Variants in GIPC2 observed in about 807,000 individuals in gnomAD.
The protein encoded by GIPC2 is GIPC PDZ domain containing family member 2.
GIPC2 carries 30 observed loss-of-function variants against 30.6 expected under a neutral mutation model. The ratio of observed to expected loss-of-function variants is 0.98; its 90% CI spans 0.73 to 1.33. The LOEUF is 1.33. Ranked by LOEUF, GIPC2 falls within the 40% of genes most tolerant of loss-of-function variation. GIPC2 has a pLI of 0.00. For missense variants in GIPC2, 414 were observed against 390.3 expected, an observed-to-expected ratio of 1.06 and a Z score of -0.51; for synonymous variants, 167 against 150.0, an observed-to-expected ratio of 1.11 and a Z score of -0.83.
intron 3 of GIPC2, among the ~76,000 whole-genome samples, chr1:78,118,668 T>A (rs1662618243): frequency 6.6e-6 from 1 of 152,204 alleles, no homozygotes; most frequent in African/African-American, 2.4e-5. Flanking sequence ...TCTTTTTCTT[T>A]TGGACCCTAT....
chr1:78,071,915 GA>G (rs1259028661), intron 1 of GIPC2, among the ~76,000 whole-genome samples: 3 of 152,110 alleles, frequency 2.0e-5, no homozygotes, highest in African/African-American at 7.2e-5. Context: ...TTCAAGACCT[GA>G]CTCACAAGGA....
At chr1:78,065,532 TA>T (rs200044447) in intron 1 of GIPC2, among the ~76,000 whole-genome samples, 7,398 of 146,526 alleles carry the variant, frequency 0.05, 217 homozygotes, top group South Asian at 0.098. Context: ...TTCACAGAAT[TA>T]AAAAAAAAAA....
chr1:78,078,187 C>CAAAAA (rs10694093), intron 1 of GIPC2, among the ~76,000 whole-genome samples: 2 of 65,078 alleles, frequency 3.1e-5, no homozygotes, highest in Non-Finnish European at 5.3e-5. Context: ...GACTCCATCT[C>CAAAAA]AAAAAAAAAA....
intron 1 of GIPC2, among the ~76,000 whole-genome samples, chr1:78,078,728 A>G (rs1182254015): frequency 1.3e-5 from 2 of 150,600 alleles, no homozygotes; most frequent in African/African-American, 4.9e-5. Flanking sequence ...GTTTTTCTCT[A>G]TCCTGTTATA....
At chr1:78,085,649 AG>A (rs759162820) in intron 2 of GIPC2, among the ~76,000 whole-genome samples, 2 of 149,238 alleles carry the variant, frequency 1.3e-5, no homozygotes, top group African/African-American at 2.5e-5. Flanking sequence ...CAGTCTTGGG[AG>A]AGTGTATGTG....
chr1:78,085,173 A>T lies in GIPC2; in HGVS notation c.426+4313A>T, dbSNP rs143858377. ...GAATTTTATCAAAAGCCTTTTCTGC[A>T]TCTATTGAGATAATCATGTTGTTTT... On this transcript the variant is annotated intron_variant, in intron 2 of 5. Transcript: ENST00000370759. Among the ~76,000 whole-genome samples the T allele has an allele frequency of 7.9e-3, 1,203 of 152,290 alleles. 62 individuals are homozygous for T. In the East Asian group the frequency reaches 0.14, roughly 17 times the overall value.
intron 1 of GIPC2, among the ~76,000 whole-genome samples, chr1:78,053,115 G>C (rs1661224607): frequency 6.6e-6 from 1 of 152,202 alleles, no homozygotes; most frequent in South Asian, 2.1e-4. Flanking sequence ...TGAGGTCTGA[G>C]GAATATGAAG....
intron 5 of GIPC2, among the ~76,000 whole-genome samples, chr1:78,131,706 C>G (rs1662901489): frequency 6.6e-6 from 1 of 152,070 alleles, no homozygotes; most frequent in Non-Finnish European, 1.5e-5. Flanking sequence ...ATTTACTTAT[C>G]CTGTAAAGAT....
chr1:78,072,898 G>A (rs895377274), intron 1 of GIPC2, among the ~76,000 whole-genome samples: 5 of 151,896 alleles, frequency 3.3e-5, no homozygotes, highest in South Asian at 2.1e-4. Context: ...TCTGCCTCCC[G>A]GGTTCATGTC....
At chr1:78,098,188 G>A (rs556904327) in intron 3 of GIPC2, among the ~76,000 whole-genome samples, 2 of 152,084 alleles carry the variant, frequency 1.3e-5, no homozygotes, top group Non-Finnish European at 2.9e-5. Context: ...AATTGTTGTG[G>A]GTGTTTGACC....
intron 2 of GIPC2, among the ~76,000 whole-genome samples, chr1:78,087,742 G>C (rs1661956878): frequency 6.6e-6 from 1 of 152,166 alleles, no homozygotes; most frequent in African/African-American, 2.4e-5. Context: ...AATCAGAATA[G>C]AAGCAAATAT....
intron 3 of GIPC2, among the ~76,000 whole-genome samples, chr1:78,107,159 C>CCCCTTGCT (rs772893655): frequency 6.6e-6 from 1 of 150,974 alleles, no homozygotes; most frequent in Non-Finnish European, 1.5e-5. Flanking sequence ...CCTTGCTCTC[C>CCCCTTGCT]CCCTTGCTCC....
chr1:78,070,711 TAAAG>T (rs938080254), intron 1 of GIPC2, among the ~76,000 whole-genome samples: 5 of 152,218 alleles, frequency 3.3e-5, no homozygotes, highest in Admixed American at 6.5e-5. Context: ...ATTTCATTAG[TAAAG>T]AAAGTGTTCT....
At chr1:78,117,604 T>C (rs572219780) in intron 3 of GIPC2, among the ~76,000 whole-genome samples, 3 of 152,246 alleles carry the variant, frequency 2.0e-5, no homozygotes, top group Admixed American at 6.5e-5. Context: ...GGCTGTAAGG[T>C]AATGCTGTGT....
intron 5 of GIPC2, among the ~76,000 whole-genome samples, chr1:78,127,611 C>A (rs1360902518): frequency 2.0e-5 from 3 of 152,192 alleles, no homozygotes; most frequent in Non-Finnish European, 4.4e-5. Context: ...AGTATAGGAG[C>A]TCAGTCCAAA....
intron 1 of GIPC2, chr1:78,069,009 C>T (rs1190268390): frequency 1.1e-6 from 1 of 918,936 alleles, no homozygotes; most frequent in Non-Finnish European, 1.3e-6. Context: ...TCTGCCTCCC[C>T]TAGCACCGGG....
rs771732963 is a variant in GIPC2 at position 78,094,932 on chromosome 1, TATC to T, written c.427-15_427-13del. 11 of 1,491,266 alleles carry T rather than the reference TATC, an allele frequency of 7.4e-6. No homozygotes were observed. In the African/African-American group the frequency reaches 1.1e-4, roughly 15 times the overall value. The allele number at this position is 1,491,266 out of a possible 1,614,324, so 92.4% of individuals were successfully genotyped here. ...TACACAGTTCTATTTTATATTATGT[TATC>T]ATCAATTTCCTTTCAGAGAATTAAA... On this transcript the variant is annotated splice_polypyrimidine_tract_variant and intron_variant, in intron 2 of 5. Coordinates refer to ENST00000370759, the MANE Select transcript of GIPC2 (RefSeq NM_017655.6).
At chr1:78,088,853 C>T (rs1345151276) in intron 2 of GIPC2, 4 of 150,638 alleles carry the variant, frequency 2.7e-5, no homozygotes, top group Non-Finnish European at 5.9e-5. Context: ...AAAAGTCAAA[C>T]TATAAAAAAT....
chr1:78,093,043 TA>T (rs1662069367), intron 2 of GIPC2, among the ~76,000 whole-genome samples: 1 of 152,178 alleles, frequency 6.6e-6, no homozygotes, highest in Non-Finnish European at 1.5e-5. Flanking sequence ...CTCTAAATCT[TA>T]AGCTAAAAAT....
Sources: allele counts gnomAD v4.1 joint callset (sites outside exome capture counted in the v4.1 genomes callset), GRCh38; gene constraint gnomAD v4.1.1; transcripts MANE v1.5; gene names NCBI Gene and HGNC (gene_info 2026-07-23, HGNC 2026-07-21).